Variants in ROS1 observed in about 807,000 individuals in gnomAD.
ROS1 encodes the protein ROS proto-oncogene 1, receptor tyrosine kinase.
Under a neutral mutation model 273.5 loss-of-function variants are expected in ROS1, and 263 were observed. That is an observed-to-expected ratio of 0.96 (90% CI 0.87 to 1.06). The LOEUF is 1.06. Among genes scored for constraint, ROS1 ranks in the 50% least tolerant of loss-of-function variants. ROS1 has a pLI of 0.00. For missense variants in ROS1, 2,833 were observed against 2,751.1 expected (o/e 1.03, Z -0.67); for synonymous variants, 1,008 against 954.1 (o/e 1.06, Z -1.04).
chr6:117,307,330 G>A (rs1775183273), intron 42 of ROS1, among the ~76,000 whole-genome samples: 1 of 152,100 alleles, frequency 6.6e-6, no homozygotes, highest in Non-Finnish European at 1.5e-5. Flanking sequence ...GGGAGAGAGT[G>A]GCATAAGCCA....
At chr6:117,329,142 A>G (rs1415085768) in intron 33 of ROS1, among the ~76,000 whole-genome samples, 187 bp downstream of exon 33, 1 of 152,262 alleles carries the variant, frequency 6.6e-6, no homozygotes, top group Non-Finnish European at 1.5e-5. Context: ...TGATCTGTTT[A>G]TAATTAGCAT....
At chr6:117,345,932 G>A (rs556581552) in intron 27 of ROS1, among the ~76,000 whole-genome samples, 3 of 152,204 alleles carry the variant, frequency 2.0e-5, no homozygotes, top group Admixed American at 6.5e-5. Flanking sequence ...GAAGTACATC[G>A]AAAATCTCCA....
chr6:117,424,423 T>C (rs1775991360), intron 1 of ROS1, among the ~76,000 whole-genome samples: 1 of 151,838 alleles, frequency 6.6e-6, no homozygotes, highest in Admixed American at 6.6e-5. Context: ...ATGTTATAAA[T>C]ATTTTATTTA....
chr6:117,310,885 A>G (rs955464754), intron 40 of ROS1, 135 bp downstream of exon 40: 49 of 579,948 alleles, frequency 8.4e-5, no homozygotes, highest in Non-Finnish European at 1.3e-4. Context: ...ATGATTTATA[A>G]GAGAGACTTT....
At chr6:117,357,668 C>T in intron 25 of ROS1, 136 bp downstream of exon 25, 1 of 606,918 alleles carries the variant, frequency 1.6e-6, no homozygotes, top group Non-Finnish European at 2.9e-6. Flanking sequence ...GAACTACTTA[C>T]TATAATATAG....
chr6:117,298,198 C>A (rs762416681), intron 43 of ROS1, among the ~76,000 whole-genome samples: 1 of 151,874 alleles, frequency 6.6e-6, no homozygotes, highest in Non-Finnish European at 1.5e-5. Context: ...AAATGATAGA[C>A]AATGAAAACT....
At chr6:117,425,283 C>T (rs556852093) in intron 1 of ROS1, among the ~76,000 whole-genome samples, 1 of 152,100 alleles carries the variant, frequency 6.6e-6, no homozygotes, top group Admixed American at 6.5e-5. Context: ...CCATTTAAAC[C>T]TCCTTTACCC....
At chr6:117,291,227 G>A (rs1365052320) in intron 43 of ROS1, among the ~76,000 whole-genome samples, 3 of 152,044 alleles carry the variant, frequency 2.0e-5, no homozygotes, top group African/African-American at 7.2e-5. Flanking sequence ...TTCTGTCATG[G>A]CCCAGAAATG....
intron 39 of ROS1, among the ~76,000 whole-genome samples, chr6:117,315,234 TA>T: frequency 6.6e-6 from 1 of 151,944 alleles, no homozygotes; most frequent in East Asian, 1.9e-4. Context: ...TGACAAAAGC[TA>T]GAAAATAGGA....
At chr6:117,342,594 A>G (rs1162323285) in intron 28 of ROS1, 50 bp from the exon 29 acceptor site, 1 of 1,135,202 alleles carries the variant, frequency 8.8e-7, no homozygotes, top group Non-Finnish European at 1.2e-6. Flanking sequence ...CATTTTATAC[A>G]AATTGGTAGA....
intron 39 of ROS1, among the ~76,000 whole-genome samples, chr6:117,314,963 A>G (rs1775811079): frequency 1.3e-5 from 2 of 152,198 alleles, no homozygotes; most frequent in African/African-American, 4.8e-5. Flanking sequence ...CTCACATTGA[A>G]TCAGATTCCA....
intron 35 of ROS1, among the ~76,000 whole-genome samples, chr6:117,321,791 T>C (rs530741298): frequency 6.6e-6 from 1 of 150,504 alleles, no homozygotes; most frequent in South Asian, 2.1e-4. Context: ...CAGGTTATAT[T>C]CCTCAGTAGA....
chr6:117,381,140 A>G (rs889680238), intron 17 of ROS1, among the ~76,000 whole-genome samples: 1 of 151,940 alleles, frequency 6.6e-6, no homozygotes, highest in Non-Finnish European at 1.5e-5. Flanking sequence ...TTGCAAAAGC[A>G]ACAACAGCAC....
At chr6:117,296,959 A>C (rs1774294300) in intron 43 of ROS1, among the ~76,000 whole-genome samples, 1 of 152,160 alleles carries the variant, frequency 6.6e-6, no homozygotes, top group South Asian at 2.1e-4. Flanking sequence ...TTAAAAATAA[A>C]TTTAAAAAAT....
chr6:117,385,520 GA>G (rs553175958), intron 16 of ROS1, among the ~76,000 whole-genome samples, 162 bp downstream of exon 16: 375 of 133,928 alleles, frequency 2.8e-3, no homozygotes, highest in South Asian at 0.012. Flanking sequence ...CTCAAAAAAA[GA>G]AAAAAAAAAT....
rs1214564444 is a variant in ROS1 at position 117,425,582 on chromosome 6, C to T, written c.75G>A (p.Val25=). 3 of 1,612,002 alleles carry T rather than the reference C, an allele frequency of 1.9e-6. No individual in the cohort carries two copies. In the African/African-American group the frequency reaches 4.0e-5, roughly 22 times the overall value. ...ATLGCLWISV[V]QCTVLNSCLK... Reference sequence around the variant, plus strand: ...GGCAGCTATTTAAAACTGTACACTGCACCACAGAAATCCATAGGCAGCCAA... The same window carrying T: ...GGCAGCTATTTAAAACTGTACACTGTACCACAGAAATCCATAGGCAGCCAA... Residue 25 remains valine (V), a synonymous_variant, in exon 1 of 44, where the codon GTG becomes GTA. Coordinates refer to ENST00000368507, the MANE Select transcript of ROS1 (RefSeq NM_001378902.1).
rs1377247583 is a variant in ROS1 at position 117,386,882 on chromosome 6, G to C, written c.2110+7C>G. 6.9e-7 allele frequency: 1 copy of C among 1,443,226 alleles called. No homozygotes were observed. Among genetic ancestry groups the C allele is most frequent in the Admixed American group, 1.7e-5 (1 of 57,906 alleles). The allele number at this position is 1,443,226 out of a possible 1,614,324, so 89.4% of individuals were successfully genotyped here. On this transcript the variant is annotated splice_region_variant and intron_variant, in intron 15 of 43. Coordinates refer to ENST00000368507, the MANE Select transcript of ROS1 (RefSeq NM_001378902.1). ...TCATTCAAGTGAACAGAGGACTTGG[G>C]GTTTACCTGACACATTTCCTATATC... is the stretch of plus-strand genomic sequence containing the variant.
intron 12 of ROS1, 67 bp from the exon 13 acceptor site, chr6:117,389,913 A>C: frequency 7.3e-7 from 1 of 1,374,592 alleles, no homozygotes; most frequent in Non-Finnish European, 1.0e-6. Context: ...CTCCTCAGCT[A>C]ATTGCTTCAT....
chr6:117,415,481 A>C (rs1775269598), intron 3 of ROS1, among the ~76,000 whole-genome samples: 1 of 152,190 alleles, frequency 6.6e-6, no homozygotes, highest in Non-Finnish European at 1.5e-5. Context: ...CAACCTAAAC[A>C]AGGGAACCCA....
Sources: allele counts gnomAD v4.1 joint callset (sites outside exome capture counted in the v4.1 genomes callset), GRCh38; gene constraint gnomAD v4.1.1; transcripts MANE v1.5; gene names NCBI Gene and HGNC (gene_info 2026-07-23, HGNC 2026-07-21).